The following PTPRD variants were observed in gnomAD, a reference collection of about 807,000 sequenced individuals.
PTPRD encodes the protein protein tyrosine phosphatase receptor type D, also known as receptor-type tyrosine-protein phosphatase delta.
Under a neutral mutation model 214.5 loss-of-function variants are expected in PTPRD, and 34 were observed. The observed-to-expected ratio is 0.16, with a 90% CI of 0.12 to 0.21. The LOEUF is 0.21. Among genes scored for constraint, PTPRD ranks in the 10% least tolerant of loss-of-function variants. The pLI, the probability that PTPRD is intolerant of heterozygous loss-of-function variation, is 1.00. For synonymous variants in PTPRD, 1,128 were observed against 845.7 expected, an observed-to-expected ratio of 1.33 and a Z score of -5.79; for missense variants, 2,545 against 2,398.7, an observed-to-expected ratio of 1.06 and a Z score of -1.27.
chr9:8,768,593 A>T (rs7858621), intron 11 of PTPRD, among the ~76,000 whole-genome samples: 7,011 of 152,208 alleles, frequency 0.046, 401 homozygotes, highest in African/African-American at 0.13. Context: ...AATAAGAGTC[A>T]TTAAACCTTT....
At chr9:9,761,220 C>G (rs1400431226) in intron 6 of PTPRD, among the ~76,000 whole-genome samples, 1 of 152,066 alleles carries the variant, frequency 6.6e-6, no homozygotes, top group Non-Finnish European at 1.5e-5. Context: ...TAAAAATGAA[C>G]AAACTATTGA....
At chr9:9,224,913 T>C (rs994282033) in intron 9 of PTPRD, among the ~76,000 whole-genome samples, 2 of 152,042 alleles carry the variant, frequency 1.3e-5, no homozygotes, top group Admixed American at 6.6e-5. Flanking sequence ...GAACTGAAAT[T>C]GCTCAAAGAC....
chr9:9,721,895 G>A (rs1015631327), intron 7 of PTPRD, among the ~76,000 whole-genome samples: 2 of 151,980 alleles, frequency 1.3e-5, no homozygotes, highest in East Asian at 1.9e-4. Flanking sequence ...TAAAATCTGA[G>A]TTCTTACATA....
chr9:9,495,815 G>A (rs7021309), intron 8 of PTPRD, among the ~76,000 whole-genome samples: 68,703 of 152,000 alleles, frequency 0.45, 15,857 homozygotes, highest in East Asian at 0.66. Context: ...TGCCCTCACT[G>A]GCAGAGGGCA....
intron 8 of PTPRD, among the ~76,000 whole-genome samples, chr9:9,549,973 T>A (rs529163758): frequency 6.6e-6 from 1 of 152,154 alleles, no homozygotes; most frequent in South Asian, 2.1e-4. Context: ...ATTGGACTAA[T>A]TTTTAGTGCC....
intron 3 of PTPRD, among the ~76,000 whole-genome samples, chr9:10,187,872 G>T (rs1332006387): frequency 1.3e-5 from 2 of 152,164 alleles, no homozygotes; most frequent in Non-Finnish European, 2.9e-5. Context: ...AATCTGGCTA[G>T]AATTATCTTT....
chr9:10,455,857 A>G (rs1320608580), intron 2 of PTPRD, among the ~76,000 whole-genome samples: 2 of 151,864 alleles, frequency 1.3e-5, no homozygotes, highest in East Asian at 3.9e-4. Context: ...AATATGTAAA[A>G]CCAATTGTGT....
intron 30 of PTPRD, among the ~76,000 whole-genome samples, chr9:8,471,658 C>A (rs543444264): frequency 6.6e-6 from 1 of 152,018 alleles, no homozygotes; most frequent in African/African-American, 2.4e-5. Context: ...TTGCAAATCT[C>A]GAGGTAAGTA....
At chr9:9,031,737 G>T (rs79724493) in intron 10 of PTPRD, among the ~76,000 whole-genome samples, 1 of 151,964 alleles carries the variant, frequency 6.6e-6, no homozygotes, top group Non-Finnish European at 1.5e-5. Context: ...AGTACAAATA[G>T]GAAAGAGACA....
chr9:8,419,381 T>C (rs965945417), intron 35 of PTPRD, among the ~76,000 whole-genome samples: 1 of 152,116 alleles, frequency 6.6e-6, no homozygotes, highest in African/African-American at 2.4e-5. Context: ...AAGTGATAGA[T>C]TCAGTCTTTA....
intron 2 of PTPRD, among the ~76,000 whole-genome samples, chr9:10,568,292 GA>G (rs36197168): frequency 6.6e-6 from 1 of 151,968 alleles, no homozygotes; most frequent in East Asian, 1.9e-4. Flanking sequence ...CAAAGGACAC[GA>G]ACTCATCATT....
chr9:9,821,621 T>C (rs985127750), intron 5 of PTPRD, among the ~76,000 whole-genome samples: 3 of 152,152 alleles, frequency 2.0e-5, no homozygotes, highest in African/African-American at 7.2e-5. Context: ...TTTCTTCCTA[T>C]GCATAAAAAT....
At chr9:8,623,351 G>C (rs1252237801) in intron 14 of PTPRD, among the ~76,000 whole-genome samples, 3 of 151,818 alleles carry the variant, frequency 2.0e-5, no homozygotes, top group Non-Finnish European at 4.4e-5. Context: ...ATGACAGAAT[G>C]ATGTTCAAAT....
chr9:9,701,941 A>T (rs913821499), intron 7 of PTPRD, among the ~76,000 whole-genome samples: 3 of 152,106 alleles, frequency 2.0e-5, no homozygotes, highest in Non-Finnish European at 4.4e-5. Context: ...CAACATGGTG[A>T]AACTCCGTCT....
chr9:9,378,080 C>T (rs765713631), intron 9 of PTPRD, among the ~76,000 whole-genome samples: 2 of 151,960 alleles, frequency 1.3e-5, no homozygotes, highest in African/African-American at 2.4e-5. Context: ...ATTAAAACAT[C>T]GTTATCCAAA....
chr9:9,058,485 G>C (rs553793403), intron 10 of PTPRD, among the ~76,000 whole-genome samples: 5,644 of 107,984 alleles, frequency 0.052, 215 homozygotes, highest in African/African-American at 0.11. Context: ...GAGTCTCGCT[G>C]TCGCCCAGGC....
At chr9:9,529,489 T>A (rs1157400035) in intron 8 of PTPRD, among the ~76,000 whole-genome samples, 3 of 152,094 alleles carry the variant, frequency 2.0e-5, no homozygotes, top group Admixed American at 6.6e-5. Context: ...ATTTCACTAA[T>A]GAAGTTATAT....
intron 34 of PTPRD, among the ~76,000 whole-genome samples, chr9:8,444,071 C>T (rs562664821): frequency 2.6e-4 from 39 of 152,168 alleles, no homozygotes; most frequent in African/African-American, 9.2e-4. Context: ...GGTAAATGTG[C>T]CTACCCTAGG....
chr9:9,457,014 T>C (rs953835696), intron 8 of PTPRD, among the ~76,000 whole-genome samples: 1 of 151,992 alleles, frequency 6.6e-6, no homozygotes. Flanking sequence ...CCAAATGGCA[T>C]GCCCAGTCAT....
Sources: gnomAD v4.1 joint callset for allele counts (sites outside exome capture counted in the v4.1 genomes callset) on GRCh38, gnomAD v4.1.1 for gene constraint, MANE v1.5 for transcripts, NCBI Gene and HGNC (gene_info 2026-07-23, HGNC 2026-07-21) for gene names.